CRYL1: variants seen among roughly 807,000 people sequenced by gnomAD.
CRYL1 encodes lambda-crystallin homolog.
Under a neutral mutation model 36.6 loss-of-function variants are expected in CRYL1, and 29 were observed. The observed-to-expected ratio is 0.79, with a 90% CI of 0.59 to 1.08. The LOEUF (loss-of-function observed/expected upper bound fraction) is 1.08. Among genes scored for constraint, CRYL1 ranks in the 50% least tolerant of loss-of-function variants. CRYL1 has a pLI of 0.00. For synonymous variants in CRYL1, 152 were observed against 151.5 expected (o/e 1.00, Z -0.02); for missense variants, 411 against 407.9 (o/e 1.01, Z -0.06).
chr13:20,418,722 T>C, intron 5 of CRYL1: 1 of 152,250 alleles, frequency 6.6e-6, no homozygotes, highest in East Asian at 1.9e-4. Context: ...AACTTGGTCC[T>C]GAATTTTCAC....
chr13:20,439,020 A>T (rs1193392040), intron 4 of CRYL1, among the ~76,000 whole-genome samples: 2 of 151,514 alleles, frequency 1.3e-5, no homozygotes, highest in Non-Finnish European at 2.9e-5. Context: ...AGTTAATTAC[A>T]ATGAGTGAGT....
chr13:20,506,513 G>C (rs1210283848), intron 2 of CRYL1, among the ~76,000 whole-genome samples: 2 of 151,638 alleles, frequency 1.3e-5, no homozygotes, highest in African/African-American at 4.8e-5. Context: ...AGGATAACAG[G>C]AAAGCCTTTA....
chr13:20,469,461 C>A (rs4770038), intron 3 of CRYL1, among the ~76,000 whole-genome samples: 104,018 of 152,092 alleles, frequency 0.68, 36,669 homozygotes, highest in South Asian at 0.82. Context: ...ATTTACCAGT[C>A]AGGATGCTTT....
intron 3 of CRYL1, among the ~76,000 whole-genome samples, chr13:20,486,885 C>G (rs1302106974): frequency 2.0e-5 from 3 of 152,184 alleles, no homozygotes; most frequent in African/African-American, 7.2e-5. Context: ...ATTTCCTGAG[C>G]ATTTTCTGTG....
At chr13:20,492,074 A>G (rs2137476812) in intron 2 of CRYL1, among the ~76,000 whole-genome samples, 1 of 152,302 alleles carries the variant, frequency 6.6e-6, no homozygotes, top group South Asian at 2.1e-4. Context: ...GCAGACATTC[A>G]CGGGTCCTAC....
Position 20,481,767 on chromosome 13 carries a change from C to G in CRYL1, c.276+7603G>C, listed in dbSNP as rs1275584626. ...CTCTACTAAAAATACAAAACTTAGC[C>G]CGGCATGGTGGTGGGCGCCTATAAT... On this transcript the variant is annotated intron_variant, in intron 3 of 7. Coordinates refer to ENST00000298248, the MANE Select transcript of CRYL1 (RefSeq NM_015974.3). The surrounding 1 kb of genome is among the most constrained non-coding windows in gnomAD (Gnocchi z 4.1). 6.6e-6 allele frequency among the ~76,000 whole-genome samples: 1 copy of G among 151,890 alleles called. No individual in the cohort carries two copies. Among genetic ancestry groups the G allele is most frequent in the Admixed American group, 6.6e-5 (1 of 15,222 alleles).
At chr13:20,460,488 G>C (rs929658810) in intron 3 of CRYL1, among the ~76,000 whole-genome samples, 3 of 146,412 alleles carry the variant, frequency 2.0e-5, no homozygotes, top group African/African-American at 5.0e-5. Flanking sequence ...GCCTATGTCA[G>C]AGGCAAAAAT....
At chr13:20,457,243 T>C (rs536471678) in intron 3 of CRYL1, among the ~76,000 whole-genome samples, 2 of 152,336 alleles carry the variant, frequency 1.3e-5, no homozygotes, top group East Asian at 3.9e-4. Context: ...GGGTGTTCTT[T>C]AGTGTTCTGT....
Position 20,512,337 on chromosome 13 carries a change from A to C in CRYL1, c.149+106T>G, listed in dbSNP as rs2033929920. 24 of 798,956 alleles carry C rather than the reference A, an allele frequency of 3.0e-5. No individual in the cohort carries two copies. The East Asian group carries it at 6.4e-4, about 21-fold the overall frequency. The allele number at this position is 798,956 out of a possible 1,614,324, so 49.5% of individuals were successfully genotyped here. ...AGGCACTGCAGTAGCCATCAGACGA[A>C]AATGTGACATCACAGATCCTCATAG... On this transcript the variant is annotated intron_variant, in intron 2 of 7. Coordinates refer to ENST00000298248, the MANE Select transcript of CRYL1 (RefSeq NM_015974.3).
chr13:20,416,304 G>A (rs776635962), intron 5 of CRYL1, among the ~76,000 whole-genome samples: 4 of 152,344 alleles, frequency 2.6e-5, no homozygotes, highest in Middle Eastern at 3.4e-3. Context: ...TCCCAATAGC[G>A]AAGCTGTAAC....
At position 20,465,190 on chromosome 13, in the gene CRYL1, C is replaced by T. The variant is rs1002295702; in HGVS notation, c.276+24180G>A. ...GACTTTTAAATATCCCAACTATTCT[C>T]TAAGCATGCCCAGAAGTGGCCTAAA... is the stretch of plus-strand genomic sequence containing the variant. On this transcript the variant is annotated intron_variant, in intron 3 of 7. Transcript: ENST00000298248. Among the ~76,000 whole-genome samples the T allele has an allele frequency of 3.8e-4, 58 of 152,198 alleles. 1 individual carries two copies. The highest frequency in any genetic ancestry group is 1.4e-3 in the African/African-American group (58 of 41,452).
chr13:20,443,262 C>CTAA (rs1177842479), intron 3 of CRYL1, among the ~76,000 whole-genome samples: 3 of 152,120 alleles, frequency 2.0e-5, no homozygotes, highest in Non-Finnish European at 4.4e-5. Context: ...GGTAAGTACT[C>CTAA]ACTTCTGAAG....
At chr13:20,411,638 G>A (rs1457305528) in intron 6 of CRYL1, among the ~76,000 whole-genome samples, 1 of 152,150 alleles carries the variant, frequency 6.6e-6, no homozygotes, top group Non-Finnish European at 1.5e-5. Flanking sequence ...TTGAGGTTCT[G>A]GTTGAAAACA....
chr13:20,492,399 A>ATGTATTATC (rs1456781226), intron 2 of CRYL1, among the ~76,000 whole-genome samples: 2 of 152,182 alleles, frequency 1.3e-5, no homozygotes. Context: ...AACAATACAA[A>ATGTATTATC]TGTATTATCT....
chr13:20,439,514 C>CA (rs56087130), intron 4 of CRYL1, 79 bp downstream of exon 4: 5,252 of 331,038 alleles, frequency 0.016, 199 homozygotes, highest in African/African-American at 0.098. Flanking sequence ...CCCTCCCCCG[C>CA]AAAAAAAAAA....
chr13:20,434,364 G>A (rs1214329473), intron 4 of CRYL1, among the ~76,000 whole-genome samples: 2 of 152,130 alleles, frequency 1.3e-5, no homozygotes, highest in African/African-American at 2.4e-5. Context: ...ACCAATCAGT[G>A]CTCTGTAAAA....
rs2033469337 is a variant in CRYL1, at chr13:20,489,516, G to A, written c.150-20C>T. 1 of 1,611,238 alleles carries A rather than the reference G, an allele frequency of 6.2e-7. No individual in the cohort carries two copies. Among genetic ancestry groups the A allele is most frequent in the Non-Finnish European group, 8.5e-7 (1 of 1,179,934 alleles). Reference sequence around the variant, plus strand: ...TCCTTTCTGGAAAGGCAGAGAGAAGGATCACTGTGAGTATTCAACACCACA... The same window carrying A: ...TCCTTTCTGGAAAGGCAGAGAGAAGAATCACTGTGAGTATTCAACACCACA... On this transcript the variant is annotated intron_variant, in intron 2 of 7. Coordinates refer to ENST00000298248, the MANE Select transcript of CRYL1 (RefSeq NM_015974.3).
chr13:20,430,168 ACCTGTAGATAAT>A, intron 5 of CRYL1: 1 of 983,474 alleles, frequency 1.0e-6, no homozygotes, highest in Non-Finnish European at 1.2e-6. Flanking sequence ...GGGCCCCACT[ACCTGTAGATAAT>A]CCTTATTTTT....
intron 2 of CRYL1, among the ~76,000 whole-genome samples, chr13:20,510,575 T>A (rs918793530): frequency 6.6e-6 from 1 of 151,510 alleles, no homozygotes; most frequent in African/African-American, 2.4e-5. Context: ...CAGTATACAT[T>A]TCTCCAAATC....
Sources: allele counts gnomAD v4.1 joint callset (sites outside exome capture counted in the v4.1 genomes callset), GRCh38; gene constraint gnomAD v4.1.1; non-coding constraint Gnocchi (gnomAD v3.1); transcripts MANE v1.5; gene names NCBI Gene and HGNC (gene_info 2026-07-23, HGNC 2026-07-21).